CREB5: variants seen among roughly 807,000 people sequenced by gnomAD.
CREB5 encodes the protein cyclic AMP-responsive element-binding protein 5.
In CREB5, 19 loss-of-function variants were observed where a neutral mutation model predicts 57.1. That is an observed-to-expected ratio of 0.33 (90% CI 0.23 to 0.49). The LOEUF (loss-of-function observed/expected upper bound fraction) is 0.49, where lower values mean the gene tolerates loss of function less well. CREB5 is among the 20% of genes least tolerant of loss of function. The probability of loss-of-function intolerance (pLI) is 0.99; values close to 1 mark genes in which losing one functional copy is unlikely to be tolerated. For missense variants in CREB5, 579 were observed against 671.6 expected (o/e 0.86, Z 1.52); for synonymous variants, 238 against 238.3 (o/e 1.00, Z 0.01).
intron 9 of CREB5, among the ~76,000 whole-genome samples, chr7:28,816,374 A>G (rs1809440481): frequency 6.6e-6 from 1 of 152,174 alleles, no homozygotes; most frequent in African/African-American, 2.4e-5. Context: ...AATCACATTC[A>G]TTTGGAGTTG....
chr7:28,444,934 G>T (rs1267511255), intron 1 of CREB5, among the ~76,000 whole-genome samples: 1 of 152,160 alleles, frequency 6.6e-6, no homozygotes, highest in Non-Finnish European at 1.5e-5. Flanking sequence ...TACTGATATT[G>T]TTTGGCTGTG....
chr7:28,375,522 T>C (rs1435779084), intron 1 of CREB5, among the ~76,000 whole-genome samples: 13 of 152,270 alleles, frequency 8.5e-5, no homozygotes, highest in Non-Finnish European at 2.9e-5. Context: ...TTGGATTGCT[T>C]GTAACACAAA....
chr7:28,683,156 C>T (rs1800686928), intron 5 of CREB5, among the ~76,000 whole-genome samples: 1 of 152,152 alleles, frequency 6.6e-6, no homozygotes, highest in South Asian at 2.1e-4. Context: ...ACGAAGCCCC[C>T]CTTCTTCAGA....
intron 5 of CREB5, among the ~76,000 whole-genome samples, chr7:28,678,837 G>T (rs888208433): frequency 6.6e-6 from 1 of 152,136 alleles, no homozygotes; most frequent in African/African-American, 2.4e-5. Flanking sequence ...GTTGGAGGGC[G>T]AATTCTCCTT....
At chr7:28,340,938 G>T (rs530059005) in intron 1 of CREB5, among the ~76,000 whole-genome samples, 4 of 152,154 alleles carry the variant, frequency 2.6e-5, no homozygotes, top group Non-Finnish European at 5.9e-5. Context: ...TCACTGTGCT[G>T]TCTCTCCCCA....
intron 8 of CREB5, among the ~76,000 whole-genome samples, chr7:28,807,170 C>T (rs983511356): frequency 6.6e-6 from 1 of 152,208 alleles, no homozygotes; most frequent in Non-Finnish European, 1.5e-5. Context: ...CTTTGCTGGC[C>T]TGGTGCGGTG....
intron 5 of CREB5, among the ~76,000 whole-genome samples, chr7:28,597,245 T>C (rs1191189056): frequency 6.6e-6 from 1 of 152,192 alleles, no homozygotes; most frequent in African/African-American, 2.4e-5. Context: ...CATTTGATCC[T>C]CTGTTATTGC....
chr7:28,390,372 A>G (rs1787192591), intron 1 of CREB5, among the ~76,000 whole-genome samples: 2 of 152,212 alleles, frequency 1.3e-5, no homozygotes, highest in East Asian at 1.9e-4. Context: ...ACCTTCACAG[A>G]AAACATTATT....
intron 3 of CREB5, among the ~76,000 whole-genome samples, chr7:28,501,249 A>G (rs928707063): frequency 6.6e-5 from 10 of 152,192 alleles, no homozygotes; most frequent in Admixed American, 6.5e-4. Context: ...TATTATTGGT[A>G]TCTCTTTAAT....
chr7:28,525,362 C>G (rs1342527220), intron 4 of CREB5, among the ~76,000 whole-genome samples: 2 of 152,030 alleles, frequency 1.3e-5, no homozygotes, highest in Non-Finnish European at 2.9e-5. Flanking sequence ...TTGCTGGATC[C>G]TATGGTAATT....
intron 1 of CREB5, among the ~76,000 whole-genome samples, chr7:28,366,863 A>G (rs868029806): frequency 6.6e-6 from 1 of 152,216 alleles, no homozygotes; most frequent in South Asian, 2.1e-4. Context: ...GGACACTGCA[A>G]TATAGTAAGA....
intron 1 of CREB5, among the ~76,000 whole-genome samples, chr7:28,363,730 C>G (rs1786533212): frequency 6.6e-6 from 1 of 152,138 alleles, no homozygotes; most frequent in Admixed American, 6.5e-5. Context: ...TTTTGGAGGG[C>G]AGCAGAGCTG....
chr7:28,544,493 A>T (rs949897484), intron 4 of CREB5, among the ~76,000 whole-genome samples: 2 of 152,192 alleles, frequency 1.3e-5, no homozygotes, highest in Non-Finnish European at 2.9e-5. Context: ...GCTCCATTAG[A>T]CTTCCTGTGA....
intron 4 of CREB5, among the ~76,000 whole-genome samples, chr7:28,568,371 G>A (rs1277574213): frequency 1.3e-5 from 2 of 152,190 alleles, no homozygotes; most frequent in African/African-American, 4.8e-5. Flanking sequence ...GATGAAAAAT[G>A]TTAAGTGTCT....
At chr7:28,740,889 A>G (rs1248154228) in intron 7 of CREB5, among the ~76,000 whole-genome samples, 4 of 152,048 alleles carry the variant, frequency 2.6e-5, no homozygotes, top group South Asian at 2.1e-4. Context: ...GTAGTTGGAT[A>G]TTTACTCAGG....
chr7:28,575,051 C>A (rs543847425), intron 5 of CREB5, among the ~76,000 whole-genome samples: 1 of 152,230 alleles, frequency 6.6e-6, no homozygotes, highest in African/African-American at 2.4e-5. Context: ...TGTACCTCCT[C>A]TTACCTTTTC....
intron 1 of CREB5, among the ~76,000 whole-genome samples, chr7:28,340,175 T>G (rs1785907561): frequency 6.6e-6 from 1 of 152,170 alleles, no homozygotes; most frequent in African/African-American, 2.4e-5. Flanking sequence ...AAGTCCTGTT[T>G]ACACTTTACC....
chr7:28,774,055 C>T (rs757979), intron 7 of CREB5, among the ~76,000 whole-genome samples: 43,905 of 152,074 alleles, frequency 0.29, 6,903 homozygotes, highest in South Asian at 0.41. Flanking sequence ...GAGTTTCGTA[C>T]TCTTGACTAC....
chr7:28,597,968 T>A (rs1188110033), intron 5 of CREB5, among the ~76,000 whole-genome samples: 2 of 150,892 alleles, frequency 1.3e-5, no homozygotes, highest in African/African-American at 4.9e-5. Context: ...TAATGTTGAT[T>A]TCCCTCAAAA....
Sources: allele counts gnomAD v4.1 joint callset (sites outside exome capture counted in the v4.1 genomes callset), GRCh38; gene constraint gnomAD v4.1.1; transcripts MANE v1.5; gene names NCBI Gene and HGNC (gene_info 2026-07-23, HGNC 2026-07-21).